UNC5C: variants seen among roughly 807,000 people sequenced by gnomAD.
The protein encoded by UNC5C is unc-5 netrin receptor C.
In UNC5C, 47 loss-of-function variants were observed where a neutral mutation model predicts 99.8. The observed-to-expected ratio is 0.47, with a 90% CI of 0.37 to 0.60. UNC5C has a LOEUF of 0.60. Among genes scored for constraint, UNC5C ranks in the 20% least tolerant of loss-of-function variants. The pLI, the probability that UNC5C is intolerant of heterozygous loss-of-function variation, is 0.00. For synonymous variants in UNC5C, 487 were observed against 452.2 expected (o/e 1.08, Z -0.98); for missense variants, 1,062 against 1,165.9 (o/e 0.91, Z 1.30).
chr4:95,465,488 C>A (rs974192067), intron 1 of UNC5C, among the ~76,000 whole-genome samples: 1 of 151,790 alleles, frequency 6.6e-6, no homozygotes, highest in African/African-American at 2.4e-5. Flanking sequence ...GTAGGGTTCA[C>A]AAAATGTCCT....
chr4:95,376,291 G>T (rs1427993116), intron 1 of UNC5C, among the ~76,000 whole-genome samples: 2 of 151,424 alleles, frequency 1.3e-5, no homozygotes, highest in Admixed American at 1.3e-4. Flanking sequence ...AAATTATTTT[G>T]TTCTTAATTC....
intron 1 of UNC5C, among the ~76,000 whole-genome samples, chr4:95,373,429 G>C (rs901818477): frequency 1.3e-5 from 2 of 151,944 alleles, no homozygotes; most frequent in African/African-American, 4.8e-5. Flanking sequence ...CTCCCTCCAC[G>C]CATCCAGGAG....
chr4:95,328,040 C>CTTTTTTTTTTTTTTTTTTTTATTTTTT (rs1742960300), intron 2 of UNC5C, among the ~76,000 whole-genome samples: 1 of 87,096 alleles, frequency 1.1e-5, no homozygotes, highest in African/African-American at 4.0e-5. Flanking sequence ...CAGGCAACTT[C>CTTTTTTTTTTTTTTTTTTTTATTTTTT]TTTTTTTTTT....
At chr4:95,198,532 A>C (rs1432664554) in intron 12 of UNC5C, among the ~76,000 whole-genome samples, 1 of 145,526 alleles carries the variant, frequency 6.9e-6, no homozygotes, top group African/African-American at 2.6e-5. Flanking sequence ...CATGACACTG[A>C]ATTTGAGGGA....
chr4:95,482,009 G>T (rs1481353457), intron 1 of UNC5C, among the ~76,000 whole-genome samples: 1 of 152,082 alleles, frequency 6.6e-6, no homozygotes, highest in Non-Finnish European at 1.5e-5. Context: ...ATTGACAAAT[G>T]GGATCTAATT....
intron 1 of UNC5C, among the ~76,000 whole-genome samples, chr4:95,520,809 C>T (rs1278474403): frequency 6.6e-6 from 1 of 151,940 alleles, no homozygotes; most frequent in Admixed American, 6.6e-5. Flanking sequence ...ACTGCATTAG[C>T]CAAGATGGTC....
intron 4 of UNC5C, among the ~76,000 whole-genome samples, chr4:95,275,279 G>A (rs1740819735): frequency 1.3e-5 from 2 of 152,208 alleles, no homozygotes; most frequent in South Asian, 4.1e-4. Context: ...AGAGGGGCAA[G>A]GTACTCAGTA....
chr4:95,183,143 G>A, intron 13 of UNC5C, 82 bp from the exon 14 acceptor site: 1 of 1,381,524 alleles, frequency 7.2e-7, no homozygotes, highest in Non-Finnish European at 1.0e-6. Context: ...CAGGTACTCT[G>A]AGTATCACAC....
chr4:95,448,038 G>T (rs972014093), intron 1 of UNC5C, among the ~76,000 whole-genome samples: 1 of 152,102 alleles, frequency 6.6e-6, no homozygotes, highest in African/African-American at 2.4e-5. Flanking sequence ...CTAATGTCCA[G>T]TTGAGAAAAG....
chr4:95,272,387 C>T (rs1454084991), intron 4 of UNC5C, among the ~76,000 whole-genome samples: 1 of 152,192 alleles, frequency 6.6e-6, no homozygotes, highest in Non-Finnish European at 1.5e-5. Flanking sequence ...TATAATAAGT[C>T]AGATAAAATC....
At chr4:95,477,082 T>C (rs1748172824) in intron 1 of UNC5C, among the ~76,000 whole-genome samples, 1 of 152,116 alleles carries the variant, frequency 6.6e-6, no homozygotes, top group Non-Finnish European at 1.5e-5. Flanking sequence ...ATGTTCATTT[T>C]AATGTAAATA....
At chr4:95,518,869 G>A (rs80214636) in intron 1 of UNC5C, among the ~76,000 whole-genome samples, 3 of 152,206 alleles carry the variant, frequency 2.0e-5, no homozygotes, top group African/African-American at 4.8e-5. Flanking sequence ...TGAGAAATAC[G>A]TTGACTTGGA....
chr4:95,219,248 G>C lies in UNC5C; in HGVS notation c.1366C>G (p.Leu456Val). The stretch of plus-strand genomic sequence containing the variant: ...GGGATTTTGTCTGAGACGTCATGCA[G>C]GGCATAGACAGGTCCTCTGTACATG... ...AAMYRGPVYA[L>V]HDVSDKIPMT... The change falls in exon 9 of 16, where the codon CTG (leucine) becomes GTG (valine). Residue 456 changes from leucine (L) to valine (V), a missense_variant. Physicochemically the swap from Leu to Val is conservative, Grantham distance 32. Coordinates refer to ENST00000453304, the MANE Select transcript of UNC5C (RefSeq NM_003728.4). The C allele has an allele frequency of 6.2e-7, 1 of 1,614,152 alleles. No individual in the cohort carries two copies. The highest frequency in any genetic ancestry group is 8.5e-7 in the Non-Finnish European group (1 of 1,180,024).
At chr4:95,257,195 G>T (rs543727224) in intron 4 of UNC5C, among the ~76,000 whole-genome samples, 1 of 152,278 alleles carries the variant, frequency 6.6e-6, no homozygotes, top group South Asian at 2.1e-4. Flanking sequence ...CAGCGCTGAA[G>T]TCCTTACAAC....
At chr4:95,399,291 G>A (rs1367559987) in intron 1 of UNC5C, among the ~76,000 whole-genome samples, 8 of 152,188 alleles carry the variant, frequency 5.3e-5, no homozygotes, top group Non-Finnish European at 1.2e-4. Flanking sequence ...AATTTCGGCA[G>A]TGTCTTCCCT....
chr4:95,470,952 G>A (rs567626969), intron 1 of UNC5C, among the ~76,000 whole-genome samples: 182 of 152,060 alleles, frequency 1.2e-3, no homozygotes, highest in Non-Finnish European at 2.1e-3. Flanking sequence ...TAGCCATCAT[G>A]AGTGTCAGGA....
chr4:95,490,098 G>T (rs1721439375), intron 1 of UNC5C, among the ~76,000 whole-genome samples: 1 of 151,530 alleles, frequency 6.6e-6, no homozygotes, highest in African/African-American at 2.4e-5. Context: ...AGAAGAGGAA[G>T]AGCCAGGAAA....
intron 2 of UNC5C, among the ~76,000 whole-genome samples, chr4:95,311,960 T>A (rs1316757945): frequency 6.6e-6 from 1 of 152,064 alleles, no homozygotes; most frequent in Non-Finnish European, 1.5e-5. Context: ...GGCAGGAGTA[T>A]TGCTTGAGCC....
intron 3 of UNC5C, among the ~76,000 whole-genome samples, chr4:95,300,150 GC>G (rs1374881256): frequency 6.6e-6 from 1 of 152,188 alleles, no homozygotes; most frequent in Non-Finnish European, 1.5e-5. Flanking sequence ...ATGGATTTCA[GC>G]GCTTTCTCAT....
Sources: gnomAD v4.1 joint callset for allele counts (sites outside exome capture counted in the v4.1 genomes callset) on GRCh38, gnomAD v4.1.1 for gene constraint, MANE v1.5 for transcripts, NCBI Gene and HGNC (gene_info 2026-07-23, HGNC 2026-07-21) for gene names.